Variants in CLCN3 observed in about 807,000 individuals in gnomAD.
The protein encoded by CLCN3 is H(+)/Cl(-) exchange transporter 3.
A neutral mutation model predicts 83.4 loss-of-function variants in CLCN3; 16 were observed. The observed-to-expected ratio is 0.19, with a 90% confidence interval of 0.13 to 0.29. The LOEUF (loss-of-function observed/expected upper bound fraction) is 0.29. Among genes scored for constraint, CLCN3 ranks in the 10% least tolerant of loss-of-function variants. The probability of loss-of-function intolerance (pLI) is 1.00; values close to 1 mark genes in which losing one functional copy is unlikely to be tolerated. For synonymous variants in CLCN3, 322 were observed against 346.2 expected, an observed-to-expected ratio of 0.93 and a Z score of 0.78; for missense variants, 544 against 1,006.0, an observed-to-expected ratio of 0.54 and a Z score of 6.21.
intron 8 of CLCN3, among the ~76,000 whole-genome samples, chr4:169,696,404 A>C (rs1446206332): frequency 1.3e-5 from 2 of 151,504 alleles, no homozygotes; most frequent in Non-Finnish European, 1.5e-5. Context: ...GTAACCAGGA[A>C]TTTTTTTTTA....
chr4:169,704,093 C>T lies in CLCN3; in HGVS notation c.1659C>T (p.His553=), dbSNP rs1474916420. The change falls in exon 10 of 13, where the codon CAC becomes CAT. Residue 553 remains histidine (H), a synonymous_variant. Coordinates refer to ENST00000513761, the MANE Select transcript of CLCN3 (RefSeq NM_001829.4). The part of the protein sequence containing the change: ...IAVEQLAYYH[H]DWFIFKEWCE... ...TGGAGCAGCTTGCCTACTATCACCA[C>T]GACTGGTTTATCTTTAAGGAGTGGT... is the stretch of plus-strand genomic sequence containing the variant. 5.6e-6 allele frequency: 9 copies of T among 1,613,870 alleles called. No individual in the cohort carries two copies. The highest frequency in any genetic ancestry group is 4.0e-5 in the African/African-American group (3 of 74,852).
At chr4:169,709,021 A>G (rs907270098) in intron 11 of CLCN3, among the ~76,000 whole-genome samples, 2 of 148,364 alleles carry the variant, frequency 1.3e-5, no homozygotes, top group African/African-American at 4.9e-5. Flanking sequence ...TATATCCTCT[A>G]TAAAAAAACA....
Position 169,689,102 on chromosome 4 carries a change from A to G in CLCN3, c.478A>G (p.Ile160Val), listed in dbSNP as rs780765011. The stretch of plus-strand genomic sequence containing the variant: ...TTGGATGACTGACCTAAAGGAGGGC[A>G]TTTGCCTTAGTGCGTTGTGGTACAA... ...ADWMTDLKEGICLSALWYNHE... is the reference protein window; with the variant it reads ...ADWMTDLKEGVCLSALWYNHE... Residue 160 changes from isoleucine to valine, a missense_variant, in exon 5 of 13, where the codon ATT (isoleucine) becomes GTT (valine). By Grantham distance (29) the Ile-to-Val change is conservative. Transcript: ENST00000513761. 2 of 1,613,626 alleles carry G rather than the reference A, an allele frequency of 1.2e-6. No individual in the cohort carries two copies. Among genetic ancestry groups the G allele is most frequent in the African/African-American group, 1.3e-5 (1 of 74,914 alleles).
rs1263585665 is a variant in CLCN3 at position 169,637,593 on chromosome 4, C to CA, written c.160+1506dup. ...TCAAAAACCAAACAAACACCACCAC[C>CA]ACCAACAACAACAACAAAAACTTTT... On this transcript the variant is annotated intron_variant, in intron 2 of 12. Coordinates refer to ENST00000513761, the MANE Select transcript of CLCN3 (RefSeq NM_001829.4). 1.9e-3 allele frequency among the ~76,000 whole-genome samples: 264 copies of CA among 140,282 alleles called. 1 individual carries two copies. Among genetic ancestry groups the CA allele is most frequent in the African/African-American group, 6.6e-3 (241 of 36,524 alleles). 92.0% of individuals were successfully genotyped at this position (140,282 alleles called of 152,430 possible).
At chr4:169,656,564 C>A (rs1730892532) in intron 2 of CLCN3, among the ~76,000 whole-genome samples, 1 of 152,162 alleles carries the variant, frequency 6.6e-6, no homozygotes, top group South Asian at 2.1e-4. Flanking sequence ...GATACAGATC[C>A]AAACCATATT....
At chr4:169,686,978 C>T (rs368207655) in intron 3 of CLCN3, among the ~76,000 whole-genome samples, 1 of 152,166 alleles carries the variant, frequency 6.6e-6, no homozygotes, top group African/African-American at 2.4e-5. Flanking sequence ...CTCTCCAAAC[C>T]TGCATATTAA....
intron 1 of CLCN3, among the ~76,000 whole-genome samples, chr4:169,633,405 A>G (rs568655516): frequency 6.6e-6 from 1 of 152,324 alleles, no homozygotes; most frequent in Non-Finnish European, 1.5e-5. Context: ...ATTTTTGGTG[A>G]TTAAAATGGA....
chr4:169,650,339 CTTAG>C (rs755993256), intron 2 of CLCN3, among the ~76,000 whole-genome samples: 4 of 152,100 alleles, frequency 2.6e-5, no homozygotes, highest in Admixed American at 6.5e-5. Context: ...GAAAAGTATT[CTTAG>C]TTAGAAGAAT....
intron 9 of CLCN3, among the ~76,000 whole-genome samples, chr4:169,698,062 A>G (rs528825365): frequency 6.6e-6 from 1 of 152,288 alleles, no homozygotes; most frequent in African/African-American, 2.4e-5. Flanking sequence ...GCGAGGGCTA[A>G]TCATCTCAAA....
chr4:169,675,064 A>T (rs1731623146), intron 2 of CLCN3, among the ~76,000 whole-genome samples: 3 of 152,246 alleles, frequency 2.0e-5, no homozygotes, highest in African/African-American at 2.4e-5. Context: ...ATTTAAATGT[A>T]ATAAATAGGG....
At chr4:169,705,776 C>T (rs114196516) in intron 10 of CLCN3, among the ~76,000 whole-genome samples, 2,435 of 152,150 alleles carry the variant, frequency 0.016, 55 homozygotes, top group African/African-American at 0.056. Flanking sequence ...AAGAGCAACA[C>T]AGTAAAAGTA....
chr4:169,713,004 T>TA (rs1458036412), intron 11 of CLCN3, 75 bp from the exon 12 acceptor site: 5 of 1,058,444 alleles, frequency 4.7e-6, no homozygotes, highest in South Asian at 4.1e-5. Context: ...TAATTTTTTT[T>TA]ATCTCTGAAT....
chr4:169,676,417 T>A (rs1415630056), intron 2 of CLCN3, among the ~76,000 whole-genome samples: 6 of 152,170 alleles, frequency 3.9e-5, no homozygotes, highest in Non-Finnish European at 7.4e-5. Flanking sequence ...AATGTTTGTA[T>A]CTCTTTACTT....
chr4:169,690,209 G>A (rs755030708), intron 5 of CLCN3, among the ~76,000 whole-genome samples: 6 of 133,628 alleles, frequency 4.5e-5, no homozygotes, highest in South Asian at 2.5e-4. Context: ...GCAGTGGCAC[G>A]ATCTCGGCTC....
At chr4:169,637,407 C>G (rs1397535750) in intron 2 of CLCN3, among the ~76,000 whole-genome samples, 5 of 152,066 alleles carry the variant, frequency 3.3e-5, no homozygotes, top group African/African-American at 1.2e-4. Flanking sequence ...AATCCCAGCA[C>G]TTTGGAAGGC....
intron 9 of CLCN3, among the ~76,000 whole-genome samples, chr4:169,703,637 A>C (rs2150263058): frequency 6.6e-6 from 1 of 150,964 alleles, no homozygotes; most frequent in African/African-American, 2.4e-5. Context: ...TCACCCAAGT[A>C]GTATATATTG....
chr4:169,658,397 G>A (rs1730948825), intron 2 of CLCN3, among the ~76,000 whole-genome samples: 1 of 152,012 alleles, frequency 6.6e-6, no homozygotes, highest in South Asian at 2.1e-4. Flanking sequence ...TGATCAAGTT[G>A]TAGATCAGGA....
intron 2 of CLCN3, among the ~76,000 whole-genome samples, chr4:169,667,799 G>C (rs1435791521): frequency 6.7e-6 from 1 of 150,000 alleles, no homozygotes; most frequent in East Asian, 1.9e-4. Context: ...AGGTTGGAGT[G>C]CAGTGGCACA....
intron 9 of CLCN3, among the ~76,000 whole-genome samples, chr4:169,698,415 C>A (rs1732651661): frequency 6.6e-6 from 1 of 152,100 alleles, no homozygotes; most frequent in Admixed American, 6.5e-5. Flanking sequence ...CTCTCTCTTT[C>A]TCTCGCTTCC....
Sources: gnomAD v4.1 joint callset for allele counts (sites outside exome capture counted in the v4.1 genomes callset) on GRCh38, gnomAD v4.1.1 for gene constraint, MANE v1.5 for transcripts, NCBI Gene and HGNC (gene_info 2026-07-23, HGNC 2026-07-21) for gene names.